Variants in ITGB8 observed in about 807,000 individuals in gnomAD.
ITGB8 encodes integrin beta-8.
In ITGB8, 30 loss-of-function variants were observed where a neutral mutation model predicts 89.5. That is an observed-to-expected ratio of 0.34 (90% CI 0.25 to 0.45). The LOEUF is 0.45. Among genes scored for constraint, ITGB8 ranks in the 20% least tolerant of loss-of-function variants. The pLI, the probability that ITGB8 is intolerant of heterozygous loss-of-function variation, is 1.00. For synonymous variants in ITGB8, 335 were observed against 320.4 expected (o/e 1.05, Z -0.49); for missense variants, 836 against 933.3 (o/e 0.90, Z 1.36).
chr7:20,365,078 C>A (rs561087751), intron 2 of ITGB8: 59 of 152,310 alleles, frequency 3.9e-4, no homozygotes, highest in African/African-American at 1.3e-3. Flanking sequence ...CAGAGGGACC[C>A]CTTCTCCCTG....
intron 1 of ITGB8, among the ~76,000 whole-genome samples, chr7:20,355,555 A>T (rs748398302): frequency 2.0e-5 from 3 of 152,222 alleles, no homozygotes; most frequent in Non-Finnish European, 4.4e-5. Context: ...AGAAGGCAAG[A>T]TAGAGAGGAA....
At chr7:20,348,285 T>G (rs978142226) in intron 1 of ITGB8, among the ~76,000 whole-genome samples, 1 of 152,140 alleles carries the variant, frequency 6.6e-6, no homozygotes, top group African/African-American at 2.4e-5. Context: ...AGAAAGAAAT[T>G]TGGAGGGAAC....
chr7:20,391,362 A>C, intron 6 of ITGB8, 41 bp from the exon 7 acceptor site: 2 of 1,098,706 alleles, frequency 1.8e-6, no homozygotes, highest in Non-Finnish European at 2.7e-6. Flanking sequence ...GGATGGAGCT[A>C]TGAAATTTCA....
chr7:20,336,000 CTTTTTTTTTTTTTT>C (rs201113693), intron 1 of ITGB8, among the ~76,000 whole-genome samples: 1 of 96,400 alleles, frequency 1.0e-5, no homozygotes, highest in African/African-American at 4.2e-5. Flanking sequence ...TCTTGGTTTT[CTTTTTTTTTTTTTT>C]TTTTTTTTTG....
chr7:20,380,607 T>G, intron 4 of ITGB8, 59 bp from the exon 5 acceptor site: 2 of 1,336,044 alleles, frequency 1.5e-6, no homozygotes, highest in Non-Finnish European at 2.1e-6. Flanking sequence ...TACTGTTAAG[T>G]ATTCCAGAAT....
chr7:20,371,653 C>T (rs1171945410), intron 3 of ITGB8, among the ~76,000 whole-genome samples: 1 of 152,114 alleles, frequency 6.6e-6, no homozygotes, highest in Non-Finnish European at 1.5e-5. Flanking sequence ...ATAAGTATAA[C>T]AAAGTCCAAG....
At chr7:20,353,918 C>T (rs1390517124) in intron 1 of ITGB8, among the ~76,000 whole-genome samples, 1 of 99,940 alleles carries the variant, frequency 1.0e-5, no homozygotes, top group Admixed American at 1.7e-4. Flanking sequence ...GGCGACAGAG[C>T]GAGACTCCGT....
At chr7:20,379,730 A>C (rs1786298947) in intron 4 of ITGB8, 1 of 152,266 alleles carries the variant, frequency 6.6e-6, no homozygotes, top group Admixed American at 6.5e-5. Flanking sequence ...CCATTACTGT[A>C]CTGTGACTGG....
chr7:20,386,540 G>T (rs1028231857), intron 6 of ITGB8, among the ~76,000 whole-genome samples: 9 of 151,010 alleles, frequency 6.0e-5, no homozygotes, highest in Non-Finnish European at 1.5e-5. Flanking sequence ...TTACAGGCGT[G>T]AGCCACTGCG....
In ITGB8 at chr7:20,363,677, C is replaced by T; in HGVS notation, c.168C>T (p.Ala56=). 2 of 1,605,202 alleles carry T rather than the reference C, an allele frequency of 1.2e-6. No homozygotes were observed. The highest frequency in any genetic ancestry group is 1.7e-6 in the Non-Finnish European group (2 of 1,177,356). Reference sequence around the variant, plus strand: ...CATCTTCAAATGCAGCATCCTGTGCCAGGTGCCTTGCGCTGGGTCCAGAAT... The same window carrying T: ...CATCTTCAAATGCAGCATCCTGTGCTAGGTGCCTTGCGCTGGGTCCAGAAT... The part of the protein sequence containing the change: ...RCASSNAASC[A]RCLALGPECG... The change falls in exon 2 of 14, where the codon GCC becomes GCT. Residue 56 remains alanine, a synonymous_variant. Coordinates refer to ENST00000222573, the MANE Select transcript of ITGB8 (RefSeq NM_002214.3).
At chr7:20,334,272 C>G (rs1562646228) in intron 1 of ITGB8, among the ~76,000 whole-genome samples, 1 of 151,838 alleles carries the variant, frequency 6.6e-6, no homozygotes, top group African/African-American at 2.4e-5. Flanking sequence ...GTAAAATGGT[C>G]AATAAATAAC....
chr7:20,367,332 AGTCTTTAT>A (rs1785741530), intron 3 of ITGB8, 146 bp downstream of exon 3: 4 of 667,306 alleles, frequency 6.0e-6, no homozygotes, highest in Non-Finnish European at 2.6e-6. Context: ...TTAGAATTCT[AGTCTTTAT>A]AGTGCCTGCA....
intron 6 of ITGB8, among the ~76,000 whole-genome samples, chr7:20,384,250 G>T (rs1242982674): frequency 1.3e-5 from 2 of 152,098 alleles, no homozygotes; most frequent in Admixed American, 6.5e-5. Flanking sequence ...TTTATCTCCA[G>T]CAGCCAATGC....
intron 3 of ITGB8, among the ~76,000 whole-genome samples, chr7:20,368,669 CT>C (rs1785803441): frequency 6.6e-6 from 1 of 152,120 alleles, no homozygotes. Context: ...ATGTCTTACT[CT>C]TTTTTAAATT....
intron 3 of ITGB8, among the ~76,000 whole-genome samples, chr7:20,373,834 T>A (rs1786028462): frequency 6.6e-6 from 1 of 152,236 alleles, no homozygotes; most frequent in African/African-American, 2.4e-5. Flanking sequence ...ATCATTTTTT[T>A]ACTTATCTTT....
intron 10 of ITGB8, among the ~76,000 whole-genome samples, chr7:20,404,053 C>G (rs1490615933): frequency 6.6e-6 from 1 of 152,200 alleles, no homozygotes; most frequent in Non-Finnish European, 1.5e-5. Context: ...AGAGGAGGAT[C>G]TGCTCTGCTA....
At chr7:20,385,064 G>A (rs1786551798) in intron 6 of ITGB8, among the ~76,000 whole-genome samples, 5 of 152,176 alleles carry the variant, frequency 3.3e-5, no homozygotes, top group Admixed American at 3.3e-4. Context: ...TTAATACTGA[G>A]GGTTTGGAAT....
intron 1 of ITGB8, among the ~76,000 whole-genome samples, chr7:20,344,664 G>A (rs779005576): frequency 2.0e-5 from 3 of 152,260 alleles, no homozygotes; most frequent in Non-Finnish European, 4.4e-5. Flanking sequence ...AGAGGAGCAA[G>A]TGCAGTAGCA....
intron 1 of ITGB8, among the ~76,000 whole-genome samples, chr7:20,359,788 T>C (rs1261097298): frequency 6.6e-6 from 1 of 152,206 alleles, no homozygotes; most frequent in African/African-American, 2.4e-5. Context: ...TTGATATTGG[T>C]ATATTTGGTA....
Sources: gnomAD v4.1 joint callset for allele counts (sites outside exome capture counted in the v4.1 genomes callset) on GRCh38, gnomAD v4.1.1 for gene constraint, MANE v1.5 for transcripts, NCBI Gene and HGNC (gene_info 2026-07-23, HGNC 2026-07-21) for gene names.